Variants in ZFAT observed in about 807,000 individuals in gnomAD.
The protein encoded by ZFAT is zinc finger protein ZFAT.
A neutral mutation model predicts 117.7 loss-of-function variants in ZFAT; 64 were observed. The observed-to-expected ratio is 0.54, with a 90% CI of 0.44 to 0.67. The LOEUF (loss-of-function observed/expected upper bound fraction) is 0.67, where lower values mean the gene tolerates loss of function less well. ZFAT is among the 30% of genes least tolerant of loss of function. The pLI, the probability that ZFAT is intolerant of heterozygous loss-of-function variation, is 0.00. For missense variants in ZFAT, 1,433 were observed against 1,584.5 expected, an observed-to-expected ratio of 0.90 and a Z score of 1.62; for synonymous variants, 679 against 615.0, an observed-to-expected ratio of 1.10 and a Z score of -1.54.
At chr8:134,765,052 C>G in the ZFAT span, 1 of 152,146 alleles carries the variant, frequency 6.6e-6, no homozygotes, top group East Asian at 1.9e-4. Flanking sequence ...AATCCAGGAG[C>G]TGGAGATGGA....
chr8:134,705,240 G>A (rs1737673583), intron 1 of ZFAT, among the ~76,000 whole-genome samples: 1 of 152,146 alleles, frequency 6.6e-6, no homozygotes, highest in South Asian at 2.1e-4. Context: ...TTTCACTGAT[G>A]CCCAGGCTGG....
chr8:134,689,152 A>T (rs1833478679), intron 1 of ZFAT, among the ~76,000 whole-genome samples: 1 of 152,224 alleles, frequency 6.6e-6, no homozygotes, highest in Non-Finnish European at 1.5e-5. Flanking sequence ...CCAGAGCGTA[A>T]CAGTTTACCA....
At position 134,636,154 on chromosome 8, in the gene ZFAT, G is replaced by A. The variant is rs2028557; in HGVS notation, c.448+1307C>T. Among the ~76,000 whole-genome samples, 6 of 152,084 alleles carry A rather than the reference G, an allele frequency of 3.9e-5. No homozygotes were observed. The South Asian group carries it at 1.2e-3, about 31-fold the overall frequency. On this transcript the variant is annotated intron_variant, in intron 3 of 15. Coordinates refer to ENST00000377838, the MANE Select transcript of ZFAT (RefSeq NM_020863.4). ...CAATAATTCACCCAAACTATGATAG[G>A]GTTTTGCAAACCAAGAGTCTTGCTT...
At chr8:134,821,181 T>C in the ZFAT span, among the ~76,000 whole-genome samples, 1 of 152,198 alleles carries the variant, frequency 6.6e-6, no homozygotes, top group African/African-American at 2.4e-5. Flanking sequence ...TAAAGTTTTA[T>C]AGTAATGCAA....
At chr8:134,489,644 G>T (rs1311204404) in intron 15 of ZFAT, among the ~76,000 whole-genome samples, 1 of 152,114 alleles carries the variant, frequency 6.6e-6, no homozygotes. Flanking sequence ...GCCCCAGGAG[G>T]GCTCTTCTCT....
rs973605487 is a variant in ZFAT at position 134,589,305 on chromosome 8, G to A, written c.2564-910C>T. ...AGAGAAGCACATAGCCCACACAGAC[G>A]AAGGCCTCACAACTCTGTCCATTCC... On this transcript the variant is annotated intron_variant, in intron 8 of 15. Transcript: ENST00000377838. Among the ~76,000 whole-genome samples the A allele has an allele frequency of 3.3e-5, 5 of 152,340 alleles. 1 individual carries two copies. Among genetic ancestry groups the A allele is most frequent in the African/African-American group, 9.6e-5 (4 of 41,590 alleles).
At chr8:134,622,862 G>A (rs552072720) in intron 3 of ZFAT, among the ~76,000 whole-genome samples, 37 of 152,120 alleles carry the variant, frequency 2.4e-4, no homozygotes, top group Non-Finnish European at 4.1e-4. Flanking sequence ...TCTCTCCCTC[G>A]GTGTTCTGGT....
chr8:134,555,478 G>A (rs1366850006), intron 11 of ZFAT, among the ~76,000 whole-genome samples: 2 of 152,236 alleles, frequency 1.3e-5, no homozygotes, highest in Non-Finnish European at 2.9e-5. Context: ...TCTTTCAAAG[G>A]AGAGCAGCCA....
At chr8:134,760,008 C>T in the ZFAT span, among the ~76,000 whole-genome samples, 7 of 136,508 alleles carry the variant, frequency 5.1e-5, no homozygotes, top group Admixed American at 3.2e-4. Flanking sequence ...AGGCCGGGTG[C>T]GGTGGCTCAT....
At chr8:134,716,052 A>G (rs1814207674), upstream of ZFAT, among the ~76,000 whole-genome samples, 1 of 151,964 alleles carries the variant, frequency 6.6e-6, no homozygotes, top group Non-Finnish European at 1.5e-5. Flanking sequence ...GCTTGAGCCC[A>G]GGAGCTCAAG....
At chr8:134,830,323 T>C in the ZFAT span, among the ~76,000 whole-genome samples, 2 of 152,192 alleles carry the variant, frequency 1.3e-5, no homozygotes, top group African/African-American at 2.4e-5. Flanking sequence ...AAAAGAGACC[T>C]CACAGCACAA....
chr8:134,564,842 G>A, intron 11 of ZFAT: 1 of 625,540 alleles, frequency 1.6e-6, no homozygotes, highest in South Asian at 2.3e-5. Flanking sequence ...CAAATTAGAG[G>A]CATTAAAAGA....
chr8:134,655,806 A>G lies in ZFAT; in HGVS notation c.196+1755T>C, dbSNP rs1249997302. ...CACATGGCTTCGATCTGCCATATGA[A>G]TTGGACAAGAGACATTATCCATTTT... On this transcript the variant is annotated intron_variant, in intron 2 of 15. Transcript: ENST00000377838. Among the ~76,000 whole-genome samples the G allele has an allele frequency of 2.0e-5, 3 of 152,196 alleles. No homozygotes were observed. The East Asian group carries it at 5.8e-4, about 29-fold the overall frequency.
intron 1 of ZFAT, among the ~76,000 whole-genome samples, chr8:134,672,523 T>C (rs1415909695): frequency 6.6e-6 from 1 of 152,144 alleles, no homozygotes; most frequent in Non-Finnish European, 1.5e-5. Flanking sequence ...AACCTGCACG[T>C]TGTGCACATG....
intron 10 of ZFAT, among the ~76,000 whole-genome samples, chr8:134,578,565 G>C (rs1310294853): frequency 6.6e-6 from 1 of 152,126 alleles, no homozygotes; most frequent in African/African-American, 2.4e-5. Context: ...TAGACAGGAG[G>C]GTTCTGAACA....
chr8:134,583,723 G>T (rs1261383156), intron 10 of ZFAT, 109 bp downstream of exon 10: 3 of 1,342,918 alleles, frequency 2.2e-6, no homozygotes, highest in South Asian at 1.5e-5. Flanking sequence ...TCCTTCTAAC[G>T]GGCAAGTGCT....
In ZFAT at chr8:134,512,481, CAG is replaced by C; in HGVS notation, c.3353_3354del (p.Ser1118Ter). Reference sequence around the variant, plus strand: ...GAAGACCAGGCGTCCTCACCACTCTCAGAGGTGTATCTCAGGTCCTGGAGCGC... The same window carrying C: ...GAAGACCAGGCGTCCTCACCACTCTCAGGTGTATCTCAGGTCCTGGAGCGC... ...VAALQDLRYT[S>X]ESGDRLDPTA... On this transcript the variant is annotated frameshift_variant, in exon 14 of 16. Coordinates refer to ENST00000377838, the MANE Select transcript of ZFAT (RefSeq NM_020863.4). LOFTEE classifies it high-confidence loss of function. The C allele has an allele frequency of 6.2e-7, 1 of 1,613,884 alleles. No individual in the cohort carries two copies. Among genetic ancestry groups the C allele is most frequent in the Non-Finnish European group, 8.5e-7 (1 of 1,179,820 alleles).
intron 1 of ZFAT, among the ~76,000 whole-genome samples, chr8:134,686,523 G>A (rs1303710192): frequency 6.6e-6 from 1 of 152,112 alleles, no homozygotes; most frequent in African/African-American, 2.4e-5. Context: ...AATGTGAACA[G>A]CAAATTTTAA....
chr8:134,536,446 T>A (rs1228072737), intron 11 of ZFAT, among the ~76,000 whole-genome samples: 1 of 152,158 alleles, frequency 6.6e-6, no homozygotes, highest in African/African-American at 2.4e-5. Flanking sequence ...TTCACATCCA[T>A]TAGAACCTCT....
Sources: allele counts gnomAD v4.1 joint callset (sites outside exome capture counted in the v4.1 genomes callset), GRCh38; gene constraint gnomAD v4.1.1; transcripts MANE v1.5; gene names NCBI Gene and HGNC (gene_info 2026-07-23, HGNC 2026-07-21).